Variants in ZWILCH observed in about 807,000 individuals in gnomAD.
ZWILCH encodes the protein protein zwilch homolog.
A neutral mutation model predicts 79.9 loss-of-function variants in ZWILCH; 74 were observed. That is an observed-to-expected ratio of 0.93 (90% CI 0.77 to 1.12). The LOEUF is 1.12. Among genes scored for constraint, ZWILCH ranks in the 50% most tolerant of loss-of-function variants. The pLI, the probability that ZWILCH is intolerant of heterozygous loss-of-function variation, is 0.00. For missense variants in ZWILCH, 694 were observed against 687.5 expected (o/e 1.01, Z -0.11); for synonymous variants, 241 against 228.2 (o/e 1.06, Z -0.51).
chr15:66,505,446 G>C, intron 1 of ZWILCH, 55 bp downstream of exon 1: 1 of 1,601,178 alleles, frequency 6.2e-7, no homozygotes, highest in Non-Finnish European at 8.6e-7. Flanking sequence ...TCTTTCCCTG[G>C]GTGTCTGGAT....
rs186590160 is a variant in ZWILCH, at chr15:66,514,431, G to A, written c.201+348G>A. On this transcript the variant is annotated intron_variant, in intron 3 of 18. Transcript: ENST00000307897. ...AGCGATTCCCCTGCCTCAGCCTCCCGAGTAGCTGGGATTACAGGCGCCTGC... is the reference window on the plus strand; with the variant it reads ...AGCGATTCCCCTGCCTCAGCCTCCCAAGTAGCTGGGATTACAGGCGCCTGC... The A allele has an allele frequency of 2.9e-3, 461 of 157,958 alleles. 2 individuals are homozygous for A. The highest frequency in any genetic ancestry group is 4.7e-3 in the Non-Finnish European group (340 of 71,696). 9.8% of individuals were successfully genotyped at this position (157,958 alleles called of 1,614,324 possible). A position where few individuals can be genotyped will look rare whatever the true frequency, so the allele number is the denominator to read the frequency against.
chr15:66,520,395 A>G, intron 5 of ZWILCH, 195 bp from the exon 6 acceptor site: 2 of 505,262 alleles, frequency 4.0e-6, no homozygotes, highest in East Asian at 3.8e-5. Flanking sequence ...TGCTGGGATT[A>G]TATGTGTGAG....
intron 14 of ZWILCH, 98 bp from the exon 15 acceptor site, chr15:66,535,835 A>C: frequency 9.7e-7 from 1 of 1,034,998 alleles, no homozygotes; most frequent in Non-Finnish European, 1.3e-6. Context: ...GCCTGTTATC[A>C]AGCATCCAAA....
intron 7 of ZWILCH, 106 bp downstream of exon 7, chr15:66,521,311 G>A: frequency 7.3e-7 from 1 of 1,369,394 alleles, no homozygotes; most frequent in Non-Finnish European, 1.0e-6. Context: ...CTTGCTGAGT[G>A]TGAGCTTGGA....
rs1308595097 is a variant in ZWILCH, at chr15:66,518,895, T to C, written c.337T>C (p.Tyr113His). ...GTTTTAAAGGCAGTTAATTGGACTT[T>C]ACACCATGGCTCACAATCCTAATAT... is the stretch of plus-strand genomic sequence containing the variant. ...VGKARQLIGL[Y>H]TMAHNPNMTH... is the part of the protein sequence containing the mutation. Residue 113 changes from tyrosine to histidine, a missense_variant, in exon 5 of 19, where the codon TAC becomes CAC. Transcript: ENST00000307897. 3.1e-6 allele frequency: 5 copies of C among 1,614,114 alleles called. No individual in the cohort carries two copies. Among genetic ancestry groups the C allele is most frequent in the Non-Finnish European group, 3.4e-6 (4 of 1,180,036 alleles).
chr15:66,505,643 TTTA>T (rs929350608), intron 1 of ZWILCH: 1 of 529,294 alleles, frequency 1.9e-6, no homozygotes, highest in African/African-American at 2.0e-5. Context: ...CAAGAGGCGA[TTTA>T]TTCTTTCTGC....
chr15:66,549,003 G>A lies in ZWILCH; in HGVS notation c.*679G>A, dbSNP rs1895492050. ...TTCCAATCTTTCAAAATATTATTGT[G>A]TATCTTAAGAAGTATAGGAACTTGT... On this transcript the variant is annotated 3_prime_UTR_variant, in exon 19 of 19. Coordinates refer to ENST00000307897, the MANE Select transcript of ZWILCH (RefSeq NM_017975.5). The A allele has an allele frequency of 6.4e-6, 1 of 155,912 alleles. No individual in the cohort carries two copies. Among genetic ancestry groups the A allele is most frequent in the African/African-American group, 2.4e-5 (1 of 41,502 alleles). The allele number at this position is 155,912 out of a possible 1,614,324, so 9.7% of individuals were successfully genotyped here. A position where few individuals can be genotyped will look rare whatever the true frequency, so the allele number is the denominator to read the frequency against.
chr15:66,506,283 T>A (rs1595899404), intron 1 of ZWILCH, among the ~76,000 whole-genome samples: 1 of 152,366 alleles, frequency 6.6e-6, no homozygotes, highest in South Asian at 2.1e-4. Context: ...AAAACTGGCA[T>A]GTCTTGGACA....
At chr15:66,530,878 A>T (rs2140787072) in intron 12 of ZWILCH, among the ~76,000 whole-genome samples, 1 of 152,316 alleles carries the variant, frequency 6.6e-6, no homozygotes, top group African/African-American at 2.4e-5. Context: ...GGCATTAGTG[A>T]TTCTAGGCAT....
At chr15:66,544,901 G>A (rs1433981575) in intron 17 of ZWILCH, among the ~76,000 whole-genome samples, 1 of 136,714 alleles carries the variant, frequency 7.3e-6, no homozygotes, top group Non-Finnish European at 1.6e-5. Context: ...GTGCCACCAC[G>A]CCTGGCTAAT....
At chr15:66,506,498 G>C (rs1291572808) in intron 1 of ZWILCH, among the ~76,000 whole-genome samples, 1 of 152,092 alleles carries the variant, frequency 6.6e-6, no homozygotes, top group African/African-American at 2.4e-5. Context: ...GCAAGACCCC[G>C]TCTCTACTAA....
At chr15:66,513,946 T>C (rs760819434) in intron 2 of ZWILCH, 42 bp from the exon 3 acceptor site, 6 of 1,429,662 alleles carry the variant, frequency 4.2e-6, no homozygotes, top group East Asian at 2.3e-5. Flanking sequence ...AGTAGAAATA[T>C]ATAAGTGTAT....
In ZWILCH at chr15:66,521,031, C is replaced by G. The variant is rs368603085; in HGVS notation, c.592-19C>G. 9.9e-6 allele frequency: 16 copies of G among 1,612,890 alleles called. No individual in the cohort carries two copies. Among genetic ancestry groups the G allele is most frequent in the Non-Finnish European group, 1.4e-5 (16 of 1,179,424 alleles). Reference sequence around the variant, plus strand: ...TGTGGAAGCACAGCTAAATGATCTGCTGGGTACACTCTTTTCAGGTAACAT... The same window carrying G: ...TGTGGAAGCACAGCTAAATGATCTGGTGGGTACACTCTTTTCAGGTAACAT... On this transcript the variant is annotated intron_variant, in intron 6 of 18. Transcript: ENST00000307897.
At chr15:66,535,906 T>A (rs760302679) in intron 14 of ZWILCH, 27 bp from the exon 15 acceptor site, 2 of 1,581,756 alleles carry the variant, frequency 1.3e-6, no homozygotes, top group South Asian at 2.3e-5. Context: ...TTTAAATCTC[T>A]ATTTTGCTTA....
chr15:66,527,845 G>A lies in ZWILCH; in HGVS notation c.914-12G>A. 6.3e-7 allele frequency: 1 copy of A among 1,594,462 alleles called. No homozygotes were observed. Among genetic ancestry groups the A allele is most frequent in the Non-Finnish European group, 8.5e-7 (1 of 1,174,892 alleles). ...AAAAATCAAGAGCTAATAAACTTTTGCCACTTTCTAGACTTAAATAAGCTG... is the reference window on the plus strand; with the variant it reads ...AAAAATCAAGAGCTAATAAACTTTTACCACTTTCTAGACTTAAATAAGCTG... On this transcript the variant is annotated splice_polypyrimidine_tract_variant and intron_variant, in intron 9 of 18. Transcript: ENST00000307897.
intron 17 of ZWILCH, among the ~76,000 whole-genome samples, chr15:66,540,634 C>T (rs909626884): frequency 8.5e-5 from 12 of 141,104 alleles, no homozygotes; most frequent in Non-Finnish European, 1.6e-4. Flanking sequence ...TATTTTCTTT[C>T]TTTTTTTTTT....
chr15:66,541,773 A>G (rs1442451582), intron 17 of ZWILCH, among the ~76,000 whole-genome samples: 1 of 152,204 alleles, frequency 6.6e-6, no homozygotes, highest in African/African-American at 2.4e-5. Context: ...TGTAAAGATT[A>G]TTTGAAAACA....
At chr15:66,510,424 A>G (rs1035830183) in intron 2 of ZWILCH, among the ~76,000 whole-genome samples, 3 of 151,776 alleles carry the variant, frequency 2.0e-5, no homozygotes, top group African/African-American at 7.2e-5. Context: ...ACAAAAAAGT[A>G]TAAAAGAAGA....
At chr15:66,547,957 C>T (rs1895442989) in intron 18 of ZWILCH, 1 of 150,974 alleles carries the variant, frequency 6.6e-6, no homozygotes, top group African/African-American at 2.4e-5. Context: ...CAGCTAGTTT[C>T]TATATTTTTA....
Sources: allele counts gnomAD v4.1 joint callset (sites outside exome capture counted in the v4.1 genomes callset), GRCh38; gene constraint gnomAD v4.1.1; transcripts MANE v1.5; gene names NCBI Gene and HGNC (gene_info 2026-07-23, HGNC 2026-07-21).